The following CPNE2 variants were observed in gnomAD, a reference collection of about 807,000 sequenced individuals.
The protein encoded by CPNE2 is copine-2.
A neutral mutation model predicts 69.7 loss-of-function variants in CPNE2; 42 were observed. That is an observed-to-expected ratio of 0.60 (90% CI 0.47 to 0.78). The LOEUF (loss-of-function observed/expected upper bound fraction) is 0.78, where lower values mean the gene tolerates loss of function less well. Among genes scored for constraint, CPNE2 ranks in the 30% least tolerant of loss-of-function variants. The probability of loss-of-function intolerance (pLI) is 0.00; values close to 1 mark genes in which losing one functional copy is unlikely to be tolerated. For synonymous variants in CPNE2, 294 were observed against 289.8 expected, an observed-to-expected ratio of 1.01 and a Z score of -0.15; for missense variants, 587 against 732.0, an observed-to-expected ratio of 0.80 and a Z score of 2.29.
At position 57,130,656 on chromosome 16, in the gene CPNE2, G is replaced by A. The variant is rs1159767864; in HGVS notation, c.1116+2753G>A. 6.6e-6 allele frequency among the ~76,000 whole-genome samples: 1 copy of A among 152,088 alleles called. No individual in the cohort carries two copies. Among genetic ancestry groups the A allele is most frequent in the African/African-American group, 2.4e-5 (1 of 41,428 alleles). ...GCAGTCAGGGCTCGGGGAGGAGGGA[G>A]TGGGGTTGGAGGCTGCCCCTGGGCC... On this transcript the variant is annotated intron_variant, in intron 12 of 15. Coordinates refer to ENST00000290776, the MANE Select transcript of CPNE2 (RefSeq NM_152727.6). This position sits in a 1 kb window ranked among gnomAD's most constrained non-coding sequence, Gnocchi z 4.1.
chr16:57,135,281 A>T (rs146214384), intron 13 of CPNE2, among the ~76,000 whole-genome samples: 1 of 70,658 alleles, frequency 1.4e-5, no homozygotes, highest in Non-Finnish European at 2.9e-5. Context: ...GCGGGGGATC[A>T]GGGGGAGGCA....
chr16:57,147,486 T>C, intron 15 of CPNE2, 65 bp from the exon 16 acceptor site: 1 of 1,241,802 alleles, frequency 8.1e-7, no homozygotes, highest in Non-Finnish European at 1.1e-6. Flanking sequence ...ATAGTGCCGC[T>C]CACAACTTCC....
intron 1 of CPNE2, among the ~76,000 whole-genome samples, chr16:57,109,337 G>T (rs565587784): frequency 6.6e-6 from 1 of 152,120 alleles, no homozygotes; most frequent in Admixed American, 6.5e-5. Context: ...TTACCCTTGC[G>T]TGGTTGTGGG....
Position 57,117,516 on chromosome 16 carries a change from C to A in CPNE2, c.456C>A (p.Ser152=). 1 of 1,613,816 alleles carries A rather than the reference C, an allele frequency of 6.2e-7. No individual in the cohort carries two copies. The highest frequency in any genetic ancestry group is 8.5e-7 in the Non-Finnish European group (1 of 1,179,898). Residue 152 remains serine, a synonymous_variant, in exon 5 of 16, where the codon TCC becomes TCA. Transcript: ENST00000290776. The stretch of plus-strand genomic sequence containing the variant: ...TACAGATCGCTGCCCAGGAGCTGTC[C>A]GACAACCGCGTCATCACACTAAGCC... The part of the protein sequence containing the change: ...GLITIAAQEL[S]DNRVITLSLA...
chr16:57,114,248 G>A (rs1436866764), intron 3 of CPNE2, among the ~76,000 whole-genome samples: 2 of 152,182 alleles, frequency 1.3e-5, no homozygotes, highest in African/African-American at 2.4e-5. Context: ...ACAGGGCAGG[G>A]AACTGACAAG....
rs766482189 is a variant in CPNE2, at chr16:57,146,149, C to T, written c.1367C>T (p.Ala456Val). Residue 456 changes from alanine (A) to valine (V), a missense_variant, in exon 15 of 16, where the codon GCC becomes GTC. Physicochemically the swap from Ala to Val is moderately conservative, Grantham distance 64 (BLOSUM62 0). Coordinates refer to ENST00000290776, the MANE Select transcript of CPNE2 (RefSeq NM_152727.6). This position sits in a 1 kb window ranked among gnomAD's most constrained non-coding sequence, Gnocchi z 4.4. ...VISDMEETRH[A>V]VVQASKLPMS... ...AGTGACATGGAGGAGACACGGCATG[C>T]CGTGGTGCAGGCTTCCAAGCTGCCC... 1.3e-6 allele frequency: 2 copies of T among 1,591,512 alleles called. No homozygotes were observed. The highest frequency in any genetic ancestry group is 1.8e-5 in the Admixed American group (1 of 56,818).
intron 12 of CPNE2, among the ~76,000 whole-genome samples, chr16:57,131,530 A>G (rs1442914630): frequency 6.6e-6 from 1 of 152,248 alleles, no homozygotes; most frequent in African/African-American, 2.4e-5. Flanking sequence ...GACACCAGCC[A>G]GCTTTCAAAG....
At chr16:57,095,069 C>T (rs925443928) in intron 1 of CPNE2, among the ~76,000 whole-genome samples, 5 of 152,214 alleles carry the variant, frequency 3.3e-5, no homozygotes, top group Non-Finnish European at 7.3e-5. Context: ...ATAGATGGCA[C>T]TGGGGCTACC....
intron 1 of CPNE2, chr16:57,110,451 C>T (rs928734942): frequency 6.6e-5 from 12 of 182,436 alleles, no homozygotes; most frequent in African/African-American, 2.1e-4. Flanking sequence ...TCTTGAACTC[C>T]GGGCTTCCAG....
chr16:57,128,117 C>T (rs1389352084), intron 12 of CPNE2, among the ~76,000 whole-genome samples: 1 of 152,106 alleles, frequency 6.6e-6, no homozygotes, highest in African/African-American at 2.4e-5. Flanking sequence ...TTATGAGACC[C>T]ATGTGGAGTG....
chr16:57,137,520 C>T (rs1203109960), intron 14 of CPNE2, among the ~76,000 whole-genome samples: 1 of 152,190 alleles, frequency 6.6e-6, no homozygotes, highest in African/African-American at 2.4e-5. Context: ...CTGTGATCAA[C>T]GGGAGATGTC....
At chr16:57,102,110 G>T (rs1206572952) in intron 1 of CPNE2, among the ~76,000 whole-genome samples, 1 of 150,202 alleles carries the variant, frequency 6.7e-6, no homozygotes, top group East Asian at 2.0e-4. Context: ...ACCATGCCCA[G>T]CTAATTTTTT....
intron 1 of CPNE2, among the ~76,000 whole-genome samples, chr16:57,101,950 CTTT>C (rs753148938): frequency 4.2e-5 from 6 of 143,252 alleles, no homozygotes; most frequent in Non-Finnish European, 6.1e-5. Context: ...ATTTCTTTTT[CTTT>C]TTTTTTTTTT....
At chr16:57,099,526 G>A (rs533681189) in intron 1 of CPNE2, among the ~76,000 whole-genome samples, 1 of 149,166 alleles carries the variant, frequency 6.7e-6, no homozygotes, top group Admixed American at 6.8e-5. Flanking sequence ...TGTTCCAGTT[G>A]CTCTGCATTA....
chr16:57,107,863 A>ACCT (rs2069657379), intron 1 of CPNE2, among the ~76,000 whole-genome samples: 1 of 138,210 alleles, frequency 7.2e-6, no homozygotes, highest in South Asian at 2.2e-4. Context: ...AGACAGAGCA[A>ACCT]TCTTTTTTTT....
intron 14 of CPNE2, among the ~76,000 whole-genome samples, chr16:57,138,673 G>A (rs1332075090): frequency 2.6e-5 from 4 of 152,028 alleles, no homozygotes; most frequent in Non-Finnish European, 5.9e-5. Flanking sequence ...CAGATCTCTT[G>A]CCTTCTCTGC....
In CPNE2 at chr16:57,092,660, G is replaced by T. The variant is rs1186149017; in HGVS notation, c.-166G>T. ...ACGCGAGCGGGCCGTGGCCGCGCGG[G>T]CAGCGCCCTGAGCCTGTCCCGCGCC... On this transcript the variant is annotated 5_prime_UTR_variant, in exon 1 of 16. Transcript: ENST00000290776. This position sits in a 1 kb window ranked among gnomAD's most constrained non-coding sequence, Gnocchi z 5.3. 1 of 148,750 alleles carries T rather than the reference G, an allele frequency of 6.7e-6. No individual in the cohort carries two copies. The highest frequency in any genetic ancestry group is 6.7e-5 in the Admixed American group (1 of 14,902). 9.2% of individuals were successfully genotyped at this position (148,750 alleles called of 1,614,324 possible).
chr16:57,134,365 C>T (rs1411527170), intron 12 of CPNE2, among the ~76,000 whole-genome samples: 1 of 152,204 alleles, frequency 6.6e-6, no homozygotes, highest in African/African-American at 2.4e-5. Flanking sequence ...GTAGGAAAAG[C>T]CTCTGAAGCC....
intron 2 of CPNE2, among the ~76,000 whole-genome samples, chr16:57,111,209 C>T (rs1485063202): frequency 2.8e-5 from 4 of 141,470 alleles, no homozygotes; most frequent in Middle Eastern, 4.2e-3. Context: ...GACGGAATCT[C>T]TCTGTCCCCC....
Sources: gnomAD v4.1 joint callset for allele counts (sites outside exome capture counted in the v4.1 genomes callset) on GRCh38, gnomAD v4.1.1 for gene constraint, Gnocchi (gnomAD v3.1) non-coding constraint, MANE v1.5 for transcripts, NCBI Gene and HGNC (gene_info 2026-07-23, HGNC 2026-07-21) for gene names.